The following DCC variants were observed in gnomAD, a reference collection of about 807,000 sequenced individuals.
DCC encodes the protein DCC netrin 1 receptor, also known as netrin receptor DCC.
A neutral mutation model predicts 172.5 loss-of-function variants in DCC; 58 were observed. The observed-to-expected ratio is 0.34, with a 90% CI of 0.27 to 0.42. The LOEUF (loss-of-function observed/expected upper bound fraction) is 0.42, where lower values mean the gene tolerates loss of function less well. DCC is among the 10% of genes least tolerant of loss of function. DCC has a pLI of 1.00. For missense variants in DCC, 1,740 were observed against 1,791.0 expected (o/e 0.97, Z 0.51); for synonymous variants, 709 against 644.5 (o/e 1.10, Z -1.52).
chr18:52,822,979 G>A (rs1157750046), intron 2 of DCC, among the ~76,000 whole-genome samples: 1 of 152,132 alleles, frequency 6.6e-6, no homozygotes, highest in Non-Finnish European at 1.5e-5. Context: ...AACTTAAATA[G>A]CTAGAATTTA....
At position 53,322,070 on chromosome 18, in the gene DCC, A is replaced by G. The variant is rs937566108; in HGVS notation, c.2077A>G (p.Ser693Gly). Residue 693 changes from serine (S) to glycine (G), a missense_variant, in exon 14 of 29, where the codon AGT becomes GGT. Ser to Gly is a moderately conservative substitution (Grantham distance 56). Transcript: ENST00000442544. ...AGGACTGGAGAAAGGAAGTCAGTACAGTTTCCAGGTGTCAGCCATGACAGT... is the reference window on the plus strand; with the variant it reads ...AGGACTGGAGAAAGGAAGTCAGTACGGTTTCCAGGTGTCAGCCATGACAGT... Reference protein sequence around the residue: ...FTGLEKGSQYSFQVSAMTVNG... With the variant: ...FTGLEKGSQYGFQVSAMTVNG... The G allele has an allele frequency of 1.2e-6, 2 of 1,606,656 alleles. No homozygotes were observed. Among genetic ancestry groups the G allele is most frequent in the Non-Finnish European group, 1.7e-6 (2 of 1,173,246 alleles).
At chr18:53,396,887 G>C (rs1249826082) in intron 17 of DCC, among the ~76,000 whole-genome samples, 1 of 152,026 alleles carries the variant, frequency 6.6e-6, no homozygotes, top group Non-Finnish European at 1.5e-5. Context: ...GAAGGAAGTG[G>C]AATTTGTCCT....
chr18:53,386,038 T>A lies in DCC; in HGVS notation c.2360-5T>A, dbSNP rs1425800429. The A allele has an allele frequency of 6.3e-7, 1 of 1,586,444 alleles. No individual in the cohort carries two copies. The highest frequency in any genetic ancestry group is 8.7e-7 in the Non-Finnish European group (1 of 1,154,844). ...ACGTTCATATTGTTTCTGTTTTTTC[T>A]CCAGAGTCAAGTTCCCATTATGTAA... On this transcript the variant is annotated splice_polypyrimidine_tract_variant and splice_region_variant and intron_variant, in intron 15 of 28. Transcript: ENST00000442544.
At chr18:53,427,769 G>A (rs1481161115) in intron 21 of DCC, among the ~76,000 whole-genome samples, 1 of 142,594 alleles carries the variant, frequency 7.0e-6, no homozygotes, top group Non-Finnish European at 1.5e-5. Flanking sequence ...AGAAATAGTA[G>A]AATTCAGAGG....
chr18:53,410,735 A>C, intron 20 of DCC, 89 bp downstream of exon 20: 2 of 830,456 alleles, frequency 2.4e-6, no homozygotes, highest in South Asian at 2.7e-5. Flanking sequence ...GCCCTGCACC[A>C]TCTCTATTAG....
chr18:53,086,791 C>G (rs1423130806), intron 7 of DCC, among the ~76,000 whole-genome samples: 3 of 116,992 alleles, frequency 2.6e-5, no homozygotes, highest in African/African-American at 1.0e-4. Flanking sequence ...GTGGTATTCC[C>G]CTTCCTGTGT....
intron 1 of DCC, among the ~76,000 whole-genome samples, chr18:52,551,158 T>C (rs994453985): frequency 6.6e-6 from 1 of 151,938 alleles, no homozygotes; most frequent in Non-Finnish European, 1.5e-5. Context: ...GCAAAAGTAC[T>C]AGAACTGTGT....
intron 2 of DCC, among the ~76,000 whole-genome samples, chr18:52,828,478 A>G (rs765202917): frequency 2.8e-4 from 42 of 151,994 alleles, no homozygotes; most frequent in Admixed American, 5.3e-4. Context: ...GGTTTTGATC[A>G]TGTGATCTAG....
At chr18:53,157,629 A>T (rs534919844) in intron 8 of DCC, 117 bp downstream of exon 8, 3 of 1,017,526 alleles carry the variant, frequency 2.9e-6, no homozygotes, top group South Asian at 2.7e-5. Flanking sequence ...TGAAATCTCT[A>T]CTATGTCCTT....
intron 7 of DCC, among the ~76,000 whole-genome samples, chr18:53,096,904 G>T (rs2043095811): frequency 6.6e-6 from 1 of 151,968 alleles, no homozygotes; most frequent in Non-Finnish European, 1.5e-5. Context: ...ATTTAGAGTG[G>T]TACATTTTAC....
intron 1 of DCC, among the ~76,000 whole-genome samples, chr18:52,429,542 G>T (rs569918089): frequency 6.6e-6 from 1 of 152,160 alleles, no homozygotes; most frequent in East Asian, 1.9e-4. Context: ...GTAATCAGAT[G>T]AATTTGTCAT....
intron 6 of DCC, among the ~76,000 whole-genome samples, chr18:53,064,416 T>C (rs2042539140): frequency 6.6e-6 from 1 of 152,170 alleles, no homozygotes. Context: ...ATGTTTGAGA[T>C]GCAGACATGA....
intron 27 of DCC, among the ~76,000 whole-genome samples, chr18:53,515,554 T>C (rs1462595269): frequency 1.8e-4 from 26 of 144,476 alleles, no homozygotes; most frequent in South Asian, 7.1e-4. Flanking sequence ...AAAACCCCAT[T>C]GTCTCAGCCC....
intron 1 of DCC, among the ~76,000 whole-genome samples, chr18:52,460,974 T>G (rs374289324): frequency 6.6e-6 from 1 of 152,190 alleles, no homozygotes; most frequent in Non-Finnish European, 1.5e-5. Flanking sequence ...TGTTTACTTC[T>G]TTAGTAATGA....
chr18:52,759,844 T>C (rs906477553), intron 2 of DCC, among the ~76,000 whole-genome samples: 1 of 152,220 alleles, frequency 6.6e-6, no homozygotes, highest in African/African-American at 2.4e-5. Flanking sequence ...AACAAAGTTA[T>C]ACACAAGTAA....
At chr18:52,700,062 C>A (rs77300373) in intron 1 of DCC, among the ~76,000 whole-genome samples, 103 of 149,286 alleles carry the variant, frequency 6.9e-4, no homozygotes, top group Non-Finnish European at 1.4e-3. Context: ...AAAAAAAAAA[C>A]ACTCATTAAA....
At position 53,009,454 on chromosome 18, in the gene DCC, G is replaced by A. The variant is rs140322123; in HGVS notation, c.986-53851G>A. ...ACACTAAAACTGTGTCACTAAGTTG[G>A]TTATGCTGAAGTGGTGTCAGTGGTT... On this transcript the variant is annotated intron_variant, in intron 5 of 28. Coordinates refer to ENST00000442544, the MANE Select transcript of DCC (RefSeq NM_005215.4). Among the ~76,000 whole-genome samples the A allele has an allele frequency of 1.6e-4, 25 of 152,012 alleles. 1 individual carries two copies. In the East Asian group the frequency reaches 4.3e-3, roughly 26 times the overall value.
intron 1 of DCC, among the ~76,000 whole-genome samples, chr18:52,644,482 G>A (rs552416423): frequency 1.3e-5 from 2 of 151,760 alleles, no homozygotes; most frequent in East Asian, 3.9e-4. Flanking sequence ...GGGAGGCTGA[G>A]GCAGGAGAAT....
chr18:52,661,812 A>C (rs1427904178), intron 1 of DCC, among the ~76,000 whole-genome samples: 3 of 152,290 alleles, frequency 2.0e-5, no homozygotes, highest in African/African-American at 7.2e-5. Flanking sequence ...AGCAGAAAAC[A>C]ATCTCAAATA....
Sources: allele counts gnomAD v4.1 joint callset (sites outside exome capture counted in the v4.1 genomes callset), GRCh38; gene constraint gnomAD v4.1.1; transcripts MANE v1.5; gene names NCBI Gene and HGNC (gene_info 2026-07-23, HGNC 2026-07-21).